Variants in RPTOR observed in about 807,000 individuals in gnomAD.
RPTOR encodes regulatory-associated protein of mTOR.
RPTOR carries 21 observed loss-of-function variants against 169.9 expected under a neutral mutation model. That is an observed-to-expected ratio of 0.12 (90% CI 0.09 to 0.18). The LOEUF (loss-of-function observed/expected upper bound fraction) is 0.18. Among genes scored for constraint, RPTOR ranks in the 10% least tolerant of loss-of-function variants. The pLI is 1.00. For synonymous variants in RPTOR, 732 were observed against 753.2 expected (o/e 0.97, Z 0.46); for missense variants, 1,133 against 1,855.9 (o/e 0.61, Z 7.16).
intron 2 of RPTOR, among the ~76,000 whole-genome samples, chr17:80,627,980 A>G (rs1043495148): frequency 6.6e-6 from 1 of 151,944 alleles, no homozygotes; most frequent in African/African-American, 2.4e-5. Flanking sequence ...CTGGGATTAC[A>G]AGCATGCGCC....
chr17:80,716,689 T>G (rs1030400167), intron 4 of RPTOR, among the ~76,000 whole-genome samples: 2 of 152,226 alleles, frequency 1.3e-5, no homozygotes, highest in Non-Finnish European at 2.9e-5. Flanking sequence ...TTCTAGAATT[T>G]TTATAGTTTC....
rs60558073 is a variant in RPTOR, at chr17:80,965,003, C to T, written c.*673C>T. Reference sequence around the variant, plus strand: ...CAGGAAGCGCACAGCCCACCCTCCCCGCACCTCCAGGTCTCTGGACTCCAG... The same window carrying T: ...CAGGAAGCGCACAGCCCACCCTCCCTGCACCTCCAGGTCTCTGGACTCCAG... On this transcript the variant is annotated 3_prime_UTR_variant, in exon 34 of 34. Transcript: ENST00000306801. The T allele has an allele frequency of 9.8e-3, 2,279 of 233,468 alleles. 41 individuals carry two copies. Among genetic ancestry groups the T allele is most frequent in the African/African-American group, 0.045 (2,025 of 45,478 alleles). 14.5% of individuals were successfully genotyped at this position (233,468 alleles called of 1,614,324 possible). A position where few individuals can be genotyped will look rare whatever the true frequency, so the allele number is the denominator to read the frequency against.
chr17:80,628,572 A>C (rs8071015), intron 2 of RPTOR, among the ~76,000 whole-genome samples: 44,767 of 151,388 alleles, frequency 0.3, 6,712 homozygotes, highest in Middle Eastern at 0.36. Flanking sequence ...TGTTCCCTTT[A>C]TATTCTCAGT....
At chr17:80,701,764 C>A (rs910639830) in intron 3 of RPTOR, among the ~76,000 whole-genome samples, 10 of 152,322 alleles carry the variant, frequency 6.6e-5, no homozygotes, top group African/African-American at 2.4e-4. Flanking sequence ...CCTAGTACGA[C>A]GCCAGTGTCT....
intron 21 of RPTOR, among the ~76,000 whole-genome samples, chr17:80,912,574 G>A (rs2068625513): frequency 6.6e-6 from 1 of 152,128 alleles, no homozygotes; most frequent in South Asian, 2.1e-4. Context: ...CTCCTCTTGG[G>A]AAGCTCTCGA....
chr17:80,686,386 C>T (rs1482199100), intron 3 of RPTOR, among the ~76,000 whole-genome samples: 3 of 149,106 alleles, frequency 2.0e-5, no homozygotes, highest in African/African-American at 7.6e-5. Context: ...GGGGTTTCAC[C>T]GTGTTAGCCA....
At position 80,659,480 on chromosome 17, in the gene RPTOR, C is replaced by T. The variant is rs182966025; in HGVS notation, c.348+15670C>T. On this transcript the variant is annotated intron_variant, in intron 3 of 33. Coordinates refer to ENST00000306801, the MANE Select transcript of RPTOR (RefSeq NM_020761.3). This position sits in a 1 kb window ranked among gnomAD's most constrained non-coding sequence, Gnocchi z 4.3. The stretch of plus-strand genomic sequence containing the variant: ...CTGAGTAGCTGGGACTACAGGTATG[C>T]GACACCATACCTGGCTAATTTTTAT... Among the ~76,000 whole-genome samples, 100 of 152,176 alleles carry T rather than the reference C, an allele frequency of 6.6e-4. No homozygotes were observed. In the East Asian group the frequency reaches 0.016, roughly 25 times the overall value.
rs1443141694 is a variant in RPTOR, at chr17:80,609,951, G to C, written c.163-15740G>C. ...CACATTCCCCTGCAGTGCCTGCTGG[G>C]TCCTGGAACGAGGCCTTCCAGCAAG... On this transcript the variant is annotated intron_variant, in intron 1 of 33. Transcript: ENST00000306801. The surrounding 1 kb of genome is among the most constrained non-coding windows in gnomAD (Gnocchi z 4.8). Among the ~76,000 whole-genome samples the C allele has an allele frequency of 6.6e-6, 1 of 152,124 alleles. No individual in the cohort carries two copies. The highest frequency in any genetic ancestry group is 1.5e-5 in the Non-Finnish European group (1 of 68,016).
At chr17:80,626,777 A>ATTAT (rs1404979846) in intron 2 of RPTOR, among the ~76,000 whole-genome samples, 5 of 4,362 alleles carry the variant, frequency 1.1e-3, no homozygotes, top group Non-Finnish European at 1.6e-3. Context: ...CATTCTAGGA[A>ATTAT]TTATTATTAT....
chr17:80,716,686 A>G (rs1199181021), intron 4 of RPTOR, among the ~76,000 whole-genome samples: 1 of 152,160 alleles, frequency 6.6e-6, no homozygotes, highest in East Asian at 1.9e-4. Context: ...ATCTTCTAGA[A>G]TTTTTATAGT....
chr17:80,878,767 G>C lies in RPTOR; in HGVS notation c.1510-1648G>C, dbSNP rs565626992. 3.4e-4 allele frequency among the ~76,000 whole-genome samples: 52 copies of C among 152,254 alleles called. No individual in the cohort carries two copies. The highest frequency in any genetic ancestry group is 6.5e-4 in the Non-Finnish European group (44 of 68,010). Reference sequence around the variant, plus strand: ...CTCGGGTTTTGGGCAAATACTTCCCGAAGTATTATCGTTACCCCTGAATAT... The same window carrying C: ...CTCGGGTTTTGGGCAAATACTTCCCCAAGTATTATCGTTACCCCTGAATAT... On this transcript the variant is annotated intron_variant, in intron 13 of 33. Coordinates refer to ENST00000306801, the MANE Select transcript of RPTOR (RefSeq NM_020761.3). This position sits in a 1 kb window ranked among gnomAD's most constrained non-coding sequence, Gnocchi z 4.1.
intron 5 of RPTOR, among the ~76,000 whole-genome samples, chr17:80,743,709 A>AGAGCC (rs2066509806): frequency 7.4e-5 from 8 of 108,616 alleles, no homozygotes; most frequent in East Asian, 6.0e-4. Flanking sequence ...GGCTACTAGC[A>AGAGCC]CTGTCCTGGC....
intron 6 of RPTOR, among the ~76,000 whole-genome samples, chr17:80,780,096 C>T (rs2066925760): frequency 6.6e-6 from 1 of 152,176 alleles, no homozygotes; most frequent in Non-Finnish European, 1.5e-5. Context: ...GCGGTGTTCT[C>T]ATCGTGTCCA....
Position 80,966,332 on chromosome 17 carries a change from G to C in RPTOR, c.*2002G>C, listed in dbSNP as rs1034448112. The C allele has an allele frequency of 2.6e-5, 6 of 230,602 alleles. No individual in the cohort carries two copies. The highest frequency in any genetic ancestry group is 1.3e-4 in the African/African-American group (6 of 45,158). 14.3% of individuals were successfully genotyped at this position (230,602 alleles called of 1,614,324 possible). On this transcript the variant is annotated 3_prime_UTR_variant, in exon 34 of 34. Transcript: ENST00000306801. ...ACACGAAATGGTAATGTGAAGCTAA[G>C]AGCAGAGAGTGACCAACAGTAAACA...
intron 21 of RPTOR, 30 bp downstream of exon 21, chr17:80,908,959 C>T: frequency 6.7e-7 from 1 of 1,489,662 alleles, no homozygotes; most frequent in Non-Finnish European, 9.4e-7. Context: ...CACCGCGCTC[C>T]AGCTGCTGGT....
At chr17:80,741,695 C>A (rs2066483181) in intron 5 of RPTOR, among the ~76,000 whole-genome samples, 2 of 152,204 alleles carry the variant, frequency 1.3e-5, no homozygotes, top group South Asian at 4.1e-4. Context: ...TGGACAAACC[C>A]TGGCTCTACT....
At chr17:80,802,398 C>G (rs994289902) in intron 7 of RPTOR, 5 of 152,222 alleles carry the variant, frequency 3.3e-5, no homozygotes, top group African/African-American at 1.2e-4. Context: ...TCGAGACTAT[C>G]CTGGCCAACA....
intron 4 of RPTOR, among the ~76,000 whole-genome samples, chr17:80,727,671 A>T (rs2066351732): frequency 1.3e-5 from 2 of 152,248 alleles, no homozygotes; most frequent in African/African-American, 4.8e-5. Context: ...AAACTGGGCC[A>T]TGTGCTCAGC....
intron 3 of RPTOR, among the ~76,000 whole-genome samples, chr17:80,650,443 C>T (rs1412311692): frequency 1.3e-5 from 2 of 152,162 alleles, no homozygotes; most frequent in African/African-American, 2.4e-5. Flanking sequence ...TGGGCGGGAG[C>T]GCCCCTCTCA....
Sources: allele counts gnomAD v4.1 joint callset (sites outside exome capture counted in the v4.1 genomes callset), GRCh38; gene constraint gnomAD v4.1.1; non-coding constraint Gnocchi (gnomAD v3.1); transcripts MANE v1.5; gene names NCBI Gene and HGNC (gene_info 2026-07-23, HGNC 2026-07-21).